TTN: variants seen among roughly 807,000 people sequenced by gnomAD.
TTN encodes the protein connectin.
TTN carries 1,525 observed loss-of-function variants against 3,223.0 expected under a neutral mutation model. That is an observed-to-expected ratio of 0.47 (90% CI 0.45 to 0.49). The LOEUF (loss-of-function observed/expected upper bound fraction) is 0.49. Among genes scored for constraint, TTN ranks in the 20% least tolerant of loss-of-function variants. The pLI, the probability that TTN is intolerant of heterozygous loss-of-function variation, is 0.00. For synonymous variants in TTN, 14,094 were observed against 15,161.0 expected, an observed-to-expected ratio of 0.93 and a Z score of 5.17; for missense variants, 40,786 against 43,424.0, an observed-to-expected ratio of 0.94 and a Z score of 5.40.
At position 178,562,349 on chromosome 2, in the gene TTN, G is replaced by A; in HGVS notation, c.83783C>T (p.Ala27928Val). ...TLEATISGLTAGEEYVFRVAA... is the reference protein window; with the variant it reads ...TLEATISGLTVGEEYVFRVAA... ...TACCCTGAAGACATACTCTTCTCCT[G>A]CAGTTAAGCCAGATATAGTTGCTTC... The change falls in exon 326 of 363, where the codon GCA (alanine) becomes GTA (valine). Residue 27928 changes from alanine (A) to valine (V), a missense_variant. Coordinates refer to ENST00000589042, the MANE Select transcript of TTN (RefSeq NM_001267550.2). 4 of 1,611,032 alleles carry A rather than the reference G, an allele frequency of 2.5e-6. No homozygotes were observed. Among genetic ancestry groups the A allele is most frequent in the Non-Finnish European group, 3.4e-6 (4 of 1,178,790 alleles).
At position 178,532,859 on chromosome 2, in the gene TTN, T is replaced by C; in HGVS notation, c.103756A>G (p.Arg34586Gly). ...DQYEMPGKLD[R>G]VVQKRPKRIR... ...CGCTTGGGTCGTTTCTGTACAACTC[T>C]GTCAAGTTTCCCAGGCATTTCATAC... The change falls in exon 358 of 363, where the codon AGA becomes GGA. Residue 34586 changes from arginine (R) to glycine (G), a missense_variant. Physicochemically the swap from Arg to Gly is moderately radical, Grantham distance 125. Transcript: ENST00000589042. 6.2e-7 allele frequency: 1 copy of C among 1,613,984 alleles called. No individual in the cohort carries two copies. The highest frequency in any genetic ancestry group is 1.1e-5 in the South Asian group (1 of 91,076).
chr2:178,732,507 G>A lies in TTN; in HGVS notation c.16554C>T (p.Gly5518=), dbSNP rs778313904. The change falls in exon 56 of 363, where the codon GGC becomes GGT. Residue 5518 remains glycine, a synonymous_variant. Coordinates refer to ENST00000589042, the MANE Select transcript of TTN (RefSeq NM_001267550.2). ...ELYLVKTSDS[G]TYTCKVSNVA... ...CATTGCTGACTTTACATGTGTACGT[G>A]CCCGAATCAGAGGTTTTTACTAAAT... 2 of 1,613,578 alleles carry A rather than the reference G, an allele frequency of 1.2e-6. No homozygotes were observed.
intron 203 of TTN, 38 bp from the exon 204 acceptor site, chr2:178,652,217 T>G: frequency 2.5e-6 from 4 of 1,612,674 alleles, no homozygotes; most frequent in Non-Finnish European, 3.4e-6. Context: ...TTAGACAAAG[T>G]AAAGACAAAC....
At chr2:178,749,050 G>C in intron 47 of TTN, 1 of 1,612,650 alleles carries the variant, frequency 6.2e-7, no homozygotes, top group Non-Finnish European at 8.5e-7. Flanking sequence ...TCCCCGGGTA[G>C]TGTATCTCTT....
chr2:178,620,703 TA>T lies in TTN; in HGVS notation c.45895+11del. ...TGATGAAAAAATCTCTAGTGGTATA[TA>T]AATTACTTACCTTCTACTATTAGAT... On this transcript the variant is annotated intron_variant, in intron 247 of 362. Coordinates refer to ENST00000589042, the MANE Select transcript of TTN (RefSeq NM_001267550.2). The T allele has an allele frequency of 6.2e-7, 1 of 1,611,404 alleles. No homozygotes were observed. The highest frequency in any genetic ancestry group is 8.5e-7 in the Non-Finnish European group (1 of 1,178,816).
rs199761901 is a variant in TTN, at chr2:178,539,565, C to G, written c.98500G>C (p.Glu32834Gln). The change falls in exon 352 of 363, where the codon GAG becomes CAG. Residue 32834 changes from glutamate (E) to glutamine (Q), a missense_variant. Transcript: ENST00000589042. Reference protein sequence around the residue: ...GGADILGYILERREVPKAAWY... With the variant: ...GGADILGYILQRREVPKAAWY... ...GCGGCTTTAGGCACTTCTCGTCTCT[C>G]GAGGATGTAGCCTAAGATGTCAGCA... 1 of 1,613,818 alleles carries G rather than the reference C, an allele frequency of 6.2e-7. No homozygotes were observed. The highest frequency in any genetic ancestry group is 1.7e-5 in the Admixed American group (1 of 60,010).
chr2:178,540,445 C>A, intron 350 of TTN, 75 bp from the exon 351 acceptor site: 1 of 1,233,936 alleles, frequency 8.1e-7, no homozygotes, highest in Non-Finnish European at 1.1e-6. Context: ...CTAACAAATT[C>A]AATGAGTTGT....
chr2:178,722,170 GT>G, intron 77 of TTN, 36 bp from the exon 78 acceptor site: 1 of 1,529,902 alleles, frequency 6.5e-7, no homozygotes, highest in Non-Finnish European at 8.7e-7. Context: ...TGTATTTTTT[GT>G]TTGTTTTTTT....
intron 226 of TTN, 55 bp from the exon 227 acceptor site, chr2:178,635,770 T>C: frequency 2.6e-6 from 4 of 1,535,324 alleles, no homozygotes; most frequent in South Asian, 2.5e-5. Context: ...GTAATATACA[T>C]AGCTTCCTTA....
chr2:178,731,623 A>G (rs761693236), intron 58 of TTN, 40 bp from the exon 59 acceptor site: 8 of 1,571,124 alleles, frequency 5.1e-6, no homozygotes, highest in Admixed American at 3.7e-5. Context: ...TTATCCCTAT[A>G]GCAAAAGTGG....
Position 178,604,102 on chromosome 2 carries a change from G to A in TTN, c.54585C>T (p.Gly18195=), listed in dbSNP as rs377299084. 3.1e-6 allele frequency: 5 copies of A among 1,612,516 alleles called. No individual in the cohort carries two copies. Among genetic ancestry groups the A allele is most frequent in the African/African-American group, 2.7e-5 (2 of 74,820 alleles). ...VSWTPPLDNG[G]SPITGYWLEK... ...CCAGCCAGTAGCCAGTAATTGGAGA[G>A]CCACCATTGTCCAAAGGAGGAGTCC... is the stretch of plus-strand genomic sequence containing the variant. The change falls in exon 282 of 363, where the codon GGC becomes GGT. Residue 18195 remains glycine, a synonymous_variant. Transcript: ENST00000589042.
intron 159 of TTN, 59 bp from the exon 160 acceptor site, chr2:178,667,780 T>G (rs1176214162): frequency 8.1e-7 from 1 of 1,229,282 alleles, no homozygotes; most frequent in Non-Finnish European, 1.1e-6. Flanking sequence ...AAGAAGTGTA[T>G]TAAGAAAAAT....
At chr2:178,784,859 T>G (rs931651710) in intron 15 of TTN, among the ~76,000 whole-genome samples, 1 of 152,260 alleles carries the variant, frequency 6.6e-6, no homozygotes, top group Non-Finnish European at 1.5e-5. Context: ...TTTATTCTGT[T>G]GTGGTCTATG....
chr2:178,648,634 T>A (rs2062411667), intron 213 of TTN, among the ~76,000 whole-genome samples: 1 of 152,122 alleles, frequency 6.6e-6, no homozygotes, highest in African/African-American at 2.4e-5. Flanking sequence ...GGTCTTGAAC[T>A]CCTGACCTCA....
Position 178,723,945 on chromosome 2 carries a change from G to T in TTN, c.21314C>A (p.Ser7105Tyr). The T allele has an allele frequency of 1.2e-6, 2 of 1,613,582 alleles. No individual in the cohort carries two copies. Among genetic ancestry groups the T allele is most frequent in the Non-Finnish European group, 8.5e-7 (1 of 1,179,602 alleles). ...ATTGCCCATATCTGAGGAATCCAGA[G>T]AATTCAACTGCAATGTGCAGACATT... ...SDNVCTLQLN[S>Y]LDSSDMGNYT... The change falls in exon 73 of 363, where the codon TCT becomes TAT. Residue 7105 changes from serine to tyrosine, a missense_variant. Transcript: ENST00000589042.
chr2:178,736,880 T>A (rs1264889943), intron 49 of TTN, among the ~76,000 whole-genome samples: 1 of 152,164 alleles, frequency 6.6e-6, no homozygotes, highest in African/African-American at 2.4e-5. Context: ...GTAAAAGGAT[T>A]GTAGAGAAGA....
At position 178,553,722 on chromosome 2, in the gene TTN, A is replaced by G. The variant is rs772283347; in HGVS notation, c.89283T>C (p.Asp29761=). 1 of 1,613,668 alleles carries G rather than the reference A, an allele frequency of 6.2e-7. No individual in the cohort carries two copies. The highest frequency in any genetic ancestry group is 1.1e-5 in the South Asian group (1 of 91,054). ...CATACCCAGTAACAGCACTGCCCCC[A>G]TCATAGACAGGCTTACTCCAGCCAA... ...ITLGWSKPVY[D]GGSAVTGYVV... The change falls in exon 334 of 363, where the codon GAT becomes GAC. Residue 29761 remains aspartate (D), a synonymous_variant. Transcript: ENST00000589042.
chr2:178,565,118 A>G lies in TTN; in HGVS notation c.81014T>C (p.Ile27005Thr), dbSNP rs1430969967. The G allele has an allele frequency of 1.9e-6, 3 of 1,613,506 alleles. No homozygotes were observed. The highest frequency in any genetic ancestry group is 2.5e-6 in the Non-Finnish European group (3 of 1,179,608). Residue 27005 changes from isoleucine (I) to threonine (T), a missense_variant, in exon 326 of 363, where the codon ATA becomes ACA. Coordinates refer to ENST00000589042, the MANE Select transcript of TTN (RefSeq NM_001267550.2). The part of the protein sequence containing the change: ...EPPAYTGGCQ[I>T]SNYIVEKRDT... ...TCGCTTCTCTACAATGTAGTTGCTT[A>G]TTTGGCAGCCACCAGTATAGGCTGG...
rs1575685631 is a variant in TTN, at chr2:178,566,594, T to C, written c.79538A>G (p.Tyr26513Cys). ...SITLAWGKPI[Y>C]DGGSEILGYV... ...TCCCAAGATCTCACTGCCGCCATCA[T>C]AGATGGGTTTACCCCAGGCAAGTGT... Residue 26513 changes from tyrosine to cysteine, a missense_variant, in exon 326 of 363, where the codon TAT becomes TGT. Transcript: ENST00000589042. 4.3e-6 allele frequency: 7 copies of C among 1,612,668 alleles called. No homozygotes were observed. The highest frequency in any genetic ancestry group is 5.9e-6 in the Non-Finnish European group (7 of 1,179,656).
Sources: gnomAD v4.1 joint callset for allele counts (sites outside exome capture counted in the v4.1 genomes callset) on GRCh38, gnomAD v4.1.1 for gene constraint, MANE v1.5 for transcripts, NCBI Gene and HGNC (gene_info 2026-07-23, HGNC 2026-07-21) for gene names.